ARHGAP23: variants seen among roughly 807,000 people sequenced by gnomAD.
ARHGAP23 encodes rho GTPase-activating protein 23.
Under a neutral mutation model 136.3 loss-of-function variants are expected in ARHGAP23, and 34 were observed. The observed-to-expected ratio is 0.25, with a 90% CI of 0.19 to 0.33. The LOEUF is 0.33. Among genes scored for constraint, ARHGAP23 ranks in the 10% least tolerant of loss-of-function variants. ARHGAP23 has a pLI of 1.00. For synonymous variants in ARHGAP23, 832 were observed against 920.5 expected, an observed-to-expected ratio of 0.90 and a Z score of 1.74; for missense variants, 1,808 against 2,139.0, an observed-to-expected ratio of 0.85 and a Z score of 3.05.
At chr17:38,490,015 A>G in intron 17 of ARHGAP23, 87 bp from the exon 18 acceptor site, 1 of 1,341,736 alleles carries the variant, frequency 7.5e-7, no homozygotes, top group East Asian at 2.5e-5. Context: ...GGAGTTCAAA[A>G]CACAGCCCTC....
chr17:38,497,687 C>T lies in ARHGAP23; in HGVS notation c.3277-98C>T, dbSNP rs1460105953. 36 of 1,273,668 alleles carry T rather than the reference C, an allele frequency of 2.8e-5. 1 individual carries two copies. The East Asian group carries it at 7.1e-4, about 25-fold the overall frequency. 78.9% of individuals were successfully genotyped at this position (1,273,668 alleles called of 1,614,324 possible). ...AGCCTGGGGTTTGTTGAGAGAGAGG[C>T]GCCCCTTGCCGCCTGAGCGGGTCCT... On this transcript the variant is annotated intron_variant, in intron 20 of 23. Transcript: ENST00000622683.
intron 3 of ARHGAP23, 86 bp downstream of exon 3, chr17:38,461,018 T>A (rs2039448183): frequency 2.5e-5 from 38 of 1,493,020 alleles, no homozygotes; most frequent in Non-Finnish European, 3.3e-5. Flanking sequence ...AGACTGCCTG[T>A]CCTTTTCTGT....
chr17:38,497,705 C>T (rs1403559504), intron 20 of ARHGAP23, 80 bp from the exon 21 acceptor site: 18 of 1,450,322 alleles, frequency 1.2e-5, no homozygotes, highest in East Asian at 2.5e-5. Context: ...GCCGCCTGAG[C>T]GGGTCCTCTG....
chr17:38,496,740 G>A (rs1176524704), intron 20 of ARHGAP23, among the ~76,000 whole-genome samples: 1 of 152,128 alleles, frequency 6.6e-6, no homozygotes, highest in Non-Finnish European at 1.5e-5. Flanking sequence ...GATCACTTGA[G>A]GTCAGGAGTT....
chr17:38,486,938 C>T (rs375549244), intron 17 of ARHGAP23, among the ~76,000 whole-genome samples: 1 of 152,168 alleles, frequency 6.6e-6, no homozygotes. Context: ...CACGTGCCTG[C>T]GTGGGGTTTG....
chr17:38,482,492 C>A (rs970815636), intron 15 of ARHGAP23, 31 bp from the exon 16 acceptor site: 4 of 1,515,664 alleles, frequency 2.6e-6, no homozygotes, highest in African/African-American at 2.8e-5. Context: ...TGGCCCCTGT[C>A]CCCCCTAACA....
chr17:38,456,646 C>G (rs1450510900), intron 1 of ARHGAP23, among the ~76,000 whole-genome samples: 1 of 152,166 alleles, frequency 6.6e-6, no homozygotes, highest in African/African-American at 2.4e-5. Flanking sequence ...CTTGGCTTTT[C>G]AAAGCCAGGC....
intron 17 of ARHGAP23, among the ~76,000 whole-genome samples, chr17:38,488,434 C>T (rs2040203260): frequency 6.6e-6 from 1 of 152,190 alleles, no homozygotes; most frequent in African/African-American, 2.4e-5. Flanking sequence ...GAGAAAAGCT[C>T]TTTGTGTTTT....
At chr17:38,486,022 G>GCTGGGCCTGC in intron 16 of ARHGAP23, 40 bp from the exon 17 acceptor site, 1 of 1,533,964 alleles carries the variant, frequency 6.5e-7, no homozygotes, top group Non-Finnish European at 8.8e-7. Flanking sequence ...TGGGCATCGG[G>GCTGGGCCTGC]CTGGGCCTGC....
chr17:38,479,180 C>T (rs1454149745), intron 12 of ARHGAP23, among the ~76,000 whole-genome samples: 3 of 152,228 alleles, frequency 2.0e-5, no homozygotes, highest in East Asian at 1.9e-4. Flanking sequence ...CATGATTCTG[C>T]ACCCGGCCCT....
chr17:38,489,549 G>A (rs2040227271), intron 17 of ARHGAP23, among the ~76,000 whole-genome samples: 1 of 152,014 alleles, frequency 6.6e-6, no homozygotes, highest in Non-Finnish European at 1.5e-5. Flanking sequence ...CCATCCATTC[G>A]GGATGTTTCA....
chr17:38,496,536 G>A (rs576854316), intron 20 of ARHGAP23, among the ~76,000 whole-genome samples: 40 of 152,292 alleles, frequency 2.6e-4, no homozygotes, highest in African/African-American at 8.7e-4. Context: ...GGAGCTTGCC[G>A]AAGGTCATCT....
chr17:38,442,962 T>C (rs1234676102), intron 1 of ARHGAP23, among the ~76,000 whole-genome samples: 2 of 152,148 alleles, frequency 1.3e-5, no homozygotes, highest in Non-Finnish European at 2.9e-5. Flanking sequence ...GATGGGGGGA[T>C]GGAGCGCTGG....
Position 38,463,212 on chromosome 17 carries a change from C to A in ARHGAP23, c.428+16C>A. On this transcript the variant is annotated intron_variant, in intron 5 of 23. Transcript: ENST00000622683. ...TCCAGAATAGGTGAGTGTCCCTGACCCCTCGTCCCATATTATCTCCCCTCC... is the reference window on the plus strand; with the variant it reads ...TCCAGAATAGGTGAGTGTCCCTGACACCTCGTCCCATATTATCTCCCCTCC... 1.3e-6 allele frequency: 2 copies of A among 1,551,044 alleles called. No homozygotes were observed. Among genetic ancestry groups the A allele is most frequent in the Non-Finnish European group, 1.7e-6 (2 of 1,146,574 alleles).
chr17:38,491,559 G>C (rs201174057), intron 20 of ARHGAP23, 27 bp downstream of exon 20: 7 of 1,548,922 alleles, frequency 4.5e-6, no homozygotes, highest in Non-Finnish European at 6.1e-6. Context: ...GGGGGCGCCC[G>C]GCAGCCCCTG....
chr17:38,479,737 C>T lies in ARHGAP23; in HGVS notation c.2499-16C>T. The T allele has an allele frequency of 1.4e-6, 2 of 1,467,508 alleles. No homozygotes were observed. Among genetic ancestry groups the T allele is most frequent in the East Asian group, 2.5e-5 (1 of 40,152 alleles). The allele number at this position is 1,467,508 out of a possible 1,614,324, so 90.9% of individuals were successfully genotyped here. Reference sequence around the variant, plus strand: ...CCCAAATGAAGACCTCTCCTCTCCCCCTTTTTCCTACACAGCCATAGCTCT... The same window carrying T: ...CCCAAATGAAGACCTCTCCTCTCCCTCTTTTTCCTACACAGCCATAGCTCT... On this transcript the variant is annotated splice_polypyrimidine_tract_variant and intron_variant, in intron 13 of 23. Coordinates refer to ENST00000622683, the MANE Select transcript of ARHGAP23 (RefSeq NM_001199417.2).
chr17:38,459,038 A>T (rs531778169), intron 2 of ARHGAP23, among the ~76,000 whole-genome samples: 1 of 152,294 alleles, frequency 6.6e-6, no homozygotes, highest in Admixed American at 6.5e-5. Flanking sequence ...GTGTGGGAAG[A>T]AGACAGAAGG....
At chr17:38,473,450 A>G (rs1321481417) in intron 11 of ARHGAP23, among the ~76,000 whole-genome samples, 9 of 152,106 alleles carry the variant, frequency 5.9e-5, no homozygotes, top group Non-Finnish European at 5.9e-5. Flanking sequence ...TCCTACCCCA[A>G]GGGCTGCTGT....
rs546480903 is a variant in ARHGAP23, at chr17:38,502,046, C to T, written c.3447+1418C>T. Among the ~76,000 whole-genome samples the T allele has an allele frequency of 6.6e-5, 10 of 152,312 alleles. No homozygotes were observed. The East Asian group carries it at 9.6e-4, about 15-fold the overall frequency. On this transcript the variant is annotated intron_variant, in intron 23 of 23. Transcript: ENST00000622683. ...GAGGGTGGCTGGGCACCATGGCTCACGCCTGTAATCCTAGCACTTTGGGAG... is the reference window on the plus strand; with the variant it reads ...GAGGGTGGCTGGGCACCATGGCTCATGCCTGTAATCCTAGCACTTTGGGAG...
Sources: allele counts gnomAD v4.1 joint callset (sites outside exome capture counted in the v4.1 genomes callset), GRCh38; gene constraint gnomAD v4.1.1; transcripts MANE v1.5; gene names NCBI Gene and HGNC (gene_info 2026-07-23, HGNC 2026-07-21).